Variants in ZNF541 observed in about 807,000 individuals in gnomAD.
The protein encoded by ZNF541 is zinc finger protein 541.
ZNF541 carries 23 observed loss-of-function variants against 123.5 expected under a neutral mutation model. The observed-to-expected ratio is 0.19, with a 90% CI of 0.13 to 0.26. The LOEUF is 0.26. ZNF541 is among the 10% of genes least tolerant of loss of function. ZNF541 has a pLI of 1.00. For synonymous variants in ZNF541, 751 were observed against 754.5 expected, an observed-to-expected ratio of 1.00 and a Z score of 0.08; for missense variants, 1,612 against 1,789.9, an observed-to-expected ratio of 0.90 and a Z score of 1.79.
chr19:47,544,387 T>G lies in ZNF541; in HGVS notation c.2142A>C (p.Pro714=). 6.4e-7 allele frequency: 1 copy of G among 1,551,642 alleles called. No homozygotes were observed. ...GGEEPPGASL[P]GKQAPAENGA... ...CATTCTCGGCTGGGGCCTGCTTCCCTGGCAGCGAGGCTCCTGGTGGCTCCT... is the reference window on the plus strand; with the variant it reads ...CATTCTCGGCTGGGGCCTGCTTCCCGGGCAGCGAGGCTCCTGGTGGCTCCT... The change falls in exon 5 of 17, where the codon CCA becomes CCC. Residue 714 remains proline (P), a synonymous_variant. Transcript: ENST00000391901.
chr19:47,568,232 C>T lies in ZNF541; in HGVS notation c.-99+3664G>A, dbSNP rs1048807447. Among the ~76,000 whole-genome samples, 6 of 152,178 alleles carry T rather than the reference C, an allele frequency of 3.9e-5. 1 individual carries two copies. Among genetic ancestry groups the T allele is most frequent in the African/African-American group, 1.4e-4 (6 of 41,456 alleles). ...TAAGCACCACCTTCTCCCTTCTCTC[C>T]CTGCATCCATGTTACCAGGGAAAGG... is the stretch of plus-strand genomic sequence containing the variant. On this transcript the variant is annotated intron_variant, in intron 2 of 16. Transcript: ENST00000391901.
chr19:47,554,130 C>T (rs780342485), intron 3 of ZNF541, among the ~76,000 whole-genome samples: 6 of 152,140 alleles, frequency 3.9e-5, no homozygotes, highest in Non-Finnish European at 7.3e-5. Flanking sequence ...ACTTTACCCA[C>T]GTTTAAAAAT....
intron 2 of ZNF541, among the ~76,000 whole-genome samples, chr19:47,559,413 G>C (rs1970971885): frequency 6.7e-6 from 1 of 150,006 alleles, no homozygotes; most frequent in South Asian, 2.1e-4. Flanking sequence ...AGGAAGGAAG[G>C]AAGGAAAGAA....
In ZNF541 at chr19:47,545,317, G is replaced by C. The variant is rs1249803946; in HGVS notation, c.1212C>G (p.Ala404=). Reference sequence around the variant, plus strand: ...AGCTGTGGCTCGATGGCTGGGAACTGGCAGGGACCGTCTGGCCTCGGAAGA... The same window carrying C: ...AGCTGTGGCTCGATGGCTGGGAACTCGCAGGGACCGTCTGGCCTCGGAAGA... ...LPLFRGQTVP[A]SSQPSSHSFQ... The change falls in exon 5 of 17, where the codon GCC becomes GCG. Residue 404 remains alanine (A), a synonymous_variant. Coordinates refer to ENST00000391901, the MANE Select transcript of ZNF541 (RefSeq NM_001277075.3). This position sits in a 1 kb window ranked among gnomAD's most constrained non-coding sequence, Gnocchi z 7.5. 7 of 1,549,048 alleles carry C rather than the reference G, an allele frequency of 4.5e-6. No individual in the cohort carries two copies. In the African/African-American group the frequency reaches 8.2e-5, roughly 18 times the overall value.
intron 2 of ZNF541, among the ~76,000 whole-genome samples, chr19:47,563,629 C>T (rs958639141): frequency 4.6e-5 from 7 of 152,102 alleles, no homozygotes; most frequent in African/African-American, 1.2e-4. Context: ...TTTTTTGAGA[C>T]GAAGTCTTGC....
At position 47,538,234 on chromosome 19, in the gene ZNF541, C is replaced by T; in HGVS notation, c.3002G>A (p.Ser1001Asn). Residue 1001 changes from serine to asparagine, a missense_variant, in exon 9 of 17, where the codon AGC (serine) becomes AAC (asparagine). Ser to Asn is a conservative substitution (Grantham distance 46, BLOSUM62 1). Coordinates refer to ENST00000391901, the MANE Select transcript of ZNF541 (RefSeq NM_001277075.3). Reference protein sequence around the residue: ...CSPYTPPPMLSPIREGSGVYF... With the variant: ...CSPYTPPPMLNPIREGSGVYF... ...CACCCCAGAGCCCTCCCGGATGGGG[C>T]TGAGCATTGGGGGTGGTGTGTAGGG... is the stretch of plus-strand genomic sequence containing the variant. 2 of 1,551,624 alleles carry T rather than the reference C, an allele frequency of 1.3e-6. No homozygotes were observed. Among genetic ancestry groups the T allele is most frequent in the Non-Finnish European group, 1.7e-6 (2 of 1,146,952 alleles).
At chr19:47,552,789 T>G (rs1302140289) in intron 3 of ZNF541, among the ~76,000 whole-genome samples, 2 of 98,570 alleles carry the variant, frequency 2.0e-5, no homozygotes, top group African/African-American at 3.6e-5. Context: ...AAAGCAACTA[T>G]AAAACTAGAA....
At chr19:47,548,019 T>G (rs1165880368) in intron 4 of ZNF541, among the ~76,000 whole-genome samples, 2 of 133,006 alleles carry the variant, frequency 1.5e-5, no homozygotes, top group Non-Finnish European at 3.1e-5. Flanking sequence ...CCAGCCTGAG[T>G]GACAGAGCAA....
intron 9 of ZNF541, 70 bp from the exon 10 acceptor site, chr19:47,533,042 T>A: frequency 7.0e-7 from 1 of 1,427,994 alleles, no homozygotes; most frequent in Non-Finnish European, 9.5e-7. Context: ...TCTGCCTGCC[T>A]GTGTGGACGC....
chr19:47,528,184 G>A (rs1264233846), intron 14 of ZNF541, among the ~76,000 whole-genome samples: 4 of 144,864 alleles, frequency 2.8e-5, no homozygotes, highest in Non-Finnish European at 3.0e-5. Context: ...GCATGGTGGC[G>A]CATGCCTGTA....
At chr19:47,569,557 G>A (rs1410609158) in intron 2 of ZNF541, among the ~76,000 whole-genome samples, 1 of 152,034 alleles carries the variant, frequency 6.6e-6, no homozygotes, top group Non-Finnish European at 1.5e-5. Flanking sequence ...ACATTCTTAA[G>A]TAGAACAATC....
chr19:47,558,664 G>C (rs1374311004), intron 2 of ZNF541, among the ~76,000 whole-genome samples: 2 of 150,470 alleles, frequency 1.3e-5, no homozygotes, highest in Non-Finnish European at 1.5e-5. Flanking sequence ...CGCAATCTCA[G>C]CTCACTGCAT....
rs749063967 is a variant in ZNF541 at position 47,521,331 on chromosome 19, G to A, written c.3934C>T (p.Arg1312Cys). 1.5e-5 allele frequency: 24 copies of A among 1,551,590 alleles called. No individual in the cohort carries two copies. The South Asian group carries it at 2.0e-4, about 13-fold the overall frequency. ...KSRNAHMKRH[R>C]LQDHVEPIIR... The stretch of plus-strand genomic sequence containing the variant: ...ATGGGCTCCACGTGGTCCTGAAGGC[G>A]GTGCCGCTTCATATGGGCATTTCGA... The change falls in exon 17 of 17, where the codon CGC becomes TGC. Residue 1312 changes from arginine (R) to cysteine (C), a missense_variant. Coordinates refer to ENST00000391901, the MANE Select transcript of ZNF541 (RefSeq NM_001277075.3). This position sits in a 1 kb window ranked among gnomAD's most constrained non-coding sequence, Gnocchi z 4.2.
chr19:47,548,324 T>C (rs1970446610), intron 4 of ZNF541, among the ~76,000 whole-genome samples: 1 of 149,412 alleles, frequency 6.7e-6, no homozygotes, highest in African/African-American at 2.5e-5. Context: ...GCGCCTGTAG[T>C]CCCAGCTGCT....
chr19:47,553,866 G>A (rs555990216), intron 3 of ZNF541, among the ~76,000 whole-genome samples: 2 of 152,160 alleles, frequency 1.3e-5, no homozygotes, highest in Non-Finnish European at 2.9e-5. Context: ...TTAATGCTCC[G>A]TCTGGGTAAA....
intron 9 of ZNF541, among the ~76,000 whole-genome samples, chr19:47,536,719 C>G (rs1969839270): frequency 6.6e-6 from 1 of 152,176 alleles, no homozygotes; most frequent in Non-Finnish European, 1.5e-5. Flanking sequence ...GATCATACAA[C>G]TGCACTCCAG....
intron 3 of ZNF541, among the ~76,000 whole-genome samples, chr19:47,551,209 T>G (rs1016510139): frequency 7.2e-5 from 11 of 151,900 alleles, no homozygotes; most frequent in Admixed American, 6.6e-4. Flanking sequence ...CCAACTAACT[T>G]TTGTATTTTT....
chr19:47,537,693 T>C (rs1311740978), intron 9 of ZNF541, among the ~76,000 whole-genome samples: 1 of 150,486 alleles, frequency 6.6e-6, no homozygotes, highest in Admixed American at 6.7e-5. Flanking sequence ...CTGGACAACA[T>C]AGCAAGACCC....
Position 47,523,339 on chromosome 19 carries a change from T to TAAAA in ZNF541, c.3571-1349_3571-1346dup, listed in dbSNP as rs75366644. Among the ~76,000 whole-genome samples the TAAAA allele has an allele frequency of 8.0e-3, 845 of 105,612 alleles. 25 individuals carry two copies. Among genetic ancestry groups the TAAAA allele is most frequent in the African/African-American group, 0.033 (744 of 22,470 alleles). 69.3% of individuals were successfully genotyped at this position (105,612 alleles called of 152,430 possible). ...CACCGCGCCCGGCGAGCGTCTCTTT[T>TAAAA]AAAAAAAAAAAAAAAAAAAAAAAGG... is the stretch of plus-strand genomic sequence containing the variant. On this transcript the variant is annotated intron_variant, in intron 14 of 16. Coordinates refer to ENST00000391901, the MANE Select transcript of ZNF541 (RefSeq NM_001277075.3).
Sources: gnomAD v4.1 joint callset for allele counts (sites outside exome capture counted in the v4.1 genomes callset) on GRCh38, gnomAD v4.1.1 for gene constraint, Gnocchi (gnomAD v3.1) non-coding constraint, MANE v1.5 for transcripts, NCBI Gene and HGNC (gene_info 2026-07-23, HGNC 2026-07-21) for gene names.